NUDT14: variants seen among roughly 807,000 people sequenced by gnomAD.
NUDT14 encodes nudix hydrolase 14.
In NUDT14, 22 loss-of-function variants were observed where a neutral mutation model predicts 17.5. The ratio of observed to expected loss-of-function variants is 1.26; its 90% confidence interval spans 0.90 to 1.80. The LOEUF is 1.80. NUDT14 is among the 40% of genes most tolerant of loss of function. The pLI, the probability that NUDT14 is intolerant of heterozygous loss-of-function variation, is 0.00. For missense variants in NUDT14, 296 were observed against 295.6 expected (o/e 1.00, Z -0.01); for synonymous variants, 129 against 125.8 (o/e 1.03, Z -0.17).
intron 4 of NUDT14, among the ~76,000 whole-genome samples, chr14:105,174,687 C>T (rs587757334): frequency 2.6e-5 from 4 of 152,116 alleles, no homozygotes; most frequent in East Asian, 1.9e-4. Flanking sequence ...TTTCCAGCCC[C>T]GGTTTCCGCC....
chr14:105,177,156 T>C, intron 2 of NUDT14, 129 bp from the exon 3 acceptor site: 1 of 833,026 alleles, frequency 1.2e-6, no homozygotes, highest in Non-Finnish European at 2.0e-6. Context: ...GTCAGGCCCC[T>C]TGCTCAGATA....
chr14:105,181,066 G>A lies in NUDT14; in HGVS notation c.81+63C>T. 2.2e-6 allele frequency: 1 copy of A among 458,482 alleles called. No homozygotes were observed. The highest frequency in any genetic ancestry group is 2.9e-6 in the Non-Finnish European group (1 of 340,808). The allele number at this position is 458,482 out of a possible 1,614,324, so 28.4% of individuals were successfully genotyped here. On this transcript the variant is annotated intron_variant, in intron 1 of 4. Coordinates refer to ENST00000392568, the MANE Select transcript of NUDT14 (RefSeq NM_177533.5). The surrounding 1 kb of genome is among the most constrained non-coding windows in gnomAD (Gnocchi z 5.0). ...GCCGGCAGCGCGGAAGATGGTGGGC[G>A]GGGCGCGGGTCGTGGGCCGGGCCGC...
At chr14:105,177,865 G>A (rs1367722650) in intron 1 of NUDT14, 130 bp from the exon 2 acceptor site, 2 of 768,656 alleles carry the variant, frequency 2.6e-6, no homozygotes, top group Non-Finnish European at 4.3e-6. Context: ...GCCCACGGGA[G>A]CCAGGAACTG....
intron 4 of NUDT14, 23 bp downstream of exon 4, chr14:105,176,511 C>G: frequency 6.3e-7 from 1 of 1,580,110 alleles, no homozygotes; most frequent in African/African-American, 1.3e-5. Context: ...ACACCACAGG[C>G]CTGAGGGCCT....
At chr14:105,176,123 T>C in intron 4 of NUDT14, 1 of 622,118 alleles carries the variant, frequency 1.6e-6, no homozygotes, top group Non-Finnish European at 2.4e-6. Flanking sequence ...CTCTAGTGCC[T>C]GTTCCCCAGG....
intron 2 of NUDT14, 103 bp downstream of exon 2, chr14:105,177,589 A>C: frequency 1.9e-6 from 2 of 1,080,956 alleles, no homozygotes; most frequent in Non-Finnish European, 2.8e-6. Flanking sequence ...CACGCAGGGA[A>C]CAGCAACGTC....
In NUDT14 at chr14:105,176,730, G is replaced by A. The variant is rs778617226; in HGVS notation, c.232C>T (p.Leu78=). The change falls in exon 4 of 5, where the codon CTA becomes TTA. Residue 78 remains leucine, a synonymous_variant. Transcript: ENST00000392568. ...GEVERRFPGS[L]AAVDQDGPRE... ...GGCCCGTCCTGGTCTACAGCTGCTA[G>A]GGACCCTGGGAAGCGGCGCTCCACC... 8 of 1,612,538 alleles carry A rather than the reference G, an allele frequency of 5.0e-6. No individual in the cohort carries two copies. The East Asian group carries it at 1.3e-4, about 27-fold the overall frequency.
At chr14:105,174,398 G>C (rs1245922063) in intron 4 of NUDT14, among the ~76,000 whole-genome samples, 1 of 152,076 alleles carries the variant, frequency 6.6e-6, no homozygotes, top group African/African-American at 2.4e-5. Flanking sequence ...GCTCGCCGCA[G>C]GAGGGGCTGT....
chr14:105,176,522 G>C lies in NUDT14; in HGVS notation c.428+12C>G. The C allele has an allele frequency of 6.2e-7, 1 of 1,601,750 alleles. No individual in the cohort carries two copies. Among genetic ancestry groups the C allele is most frequent in the Non-Finnish European group, 8.5e-7 (1 of 1,169,964 alleles). On this transcript the variant is annotated intron_variant, in intron 4 of 4. Coordinates refer to ENST00000392568, the MANE Select transcript of NUDT14 (RefSeq NM_177533.5). ...AGTCACACCACAGGCCTGAGGGCCT[G>C]GTCCCACTCACCAGTATGTGGCGAC...
chr14:105,174,703 G>A (rs1889174993), intron 4 of NUDT14, among the ~76,000 whole-genome samples: 1 of 152,096 alleles, frequency 6.6e-6, no homozygotes, highest in African/African-American at 2.4e-5. Context: ...CCGCCGGCTT[G>A]TGAAGGAGAC....
In NUDT14 at chr14:105,181,133, C is replaced by T. The variant is rs1377746479; in HGVS notation, c.77G>A (p.Arg26His). ...GACGCGGGGGCGCGGGCTCACCTGGCGGTAATGCAGCGTGAGCGGCCGCAG... is the reference window on the plus strand; with the variant it reads ...GACGCGGGGGCGCGGGCTCACCTGGTGGTAATGCAGCGTGAGCGGCCGCAG... Reference protein sequence around the residue: ...PYLRPLTLHYRQNGAQKSWDF... With the variant: ...PYLRPLTLHYHQNGAQKSWDF... The change falls in exon 1 of 5, where the codon CGC becomes CAC. Residue 26 changes from arginine (R) to histidine (H), a missense_variant. Coordinates refer to ENST00000392568, the MANE Select transcript of NUDT14 (RefSeq NM_177533.5). The surrounding 1 kb of genome is among the most constrained non-coding windows in gnomAD (Gnocchi z 5.0). 8 of 1,100,344 alleles carry T rather than the reference C, an allele frequency of 7.3e-6. No individual in the cohort carries two copies. The highest frequency in any genetic ancestry group is 8.9e-6 in the Non-Finnish European group (8 of 899,822). The allele number at this position is 1,100,344 out of a possible 1,614,324, so 68.2% of individuals were successfully genotyped here. A position where few individuals can be genotyped will look rare whatever the true frequency, so the allele number is the denominator to read the frequency against.
chr14:105,176,511 C>A, intron 4 of NUDT14, 23 bp downstream of exon 4: 1 of 1,580,110 alleles, frequency 6.3e-7, no homozygotes, highest in Non-Finnish European at 8.7e-7. Context: ...ACACCACAGG[C>A]CTGAGGGCCT....
rs1889146262 is a variant in NUDT14 at position 105,173,398 on chromosome 14, T to C, written c.429-137A>G. 2 of 1,023,200 alleles carry C rather than the reference T, an allele frequency of 2.0e-6. No homozygotes were observed. Among genetic ancestry groups the C allele is most frequent in the Admixed American group, 7.7e-5 (2 of 25,918 alleles). The allele number at this position is 1,023,200 out of a possible 1,614,324, so 63.4% of individuals were successfully genotyped here. A position where few individuals can be genotyped will look rare whatever the true frequency, so the allele number is the denominator to read the frequency against. ...GTAGGCAGGACTCTGGGATGCCCTC[T>C]CCCACCCGGATTCCCACCTGGTGTG... On this transcript the variant is annotated intron_variant, in intron 4 of 4. Transcript: ENST00000392568. The surrounding 1 kb of genome is among the most constrained non-coding windows in gnomAD (Gnocchi z 4.7).
chr14:105,175,167 C>G (rs938353711), intron 4 of NUDT14, among the ~76,000 whole-genome samples: 3 of 152,198 alleles, frequency 2.0e-5, no homozygotes, highest in African/African-American at 4.8e-5. Flanking sequence ...GCCCTGAGAG[C>G]CTGTGCGGTC....
chr14:105,176,020 T>C, intron 4 of NUDT14: 1 of 1,250,064 alleles, frequency 8.0e-7, no homozygotes, highest in South Asian at 1.3e-5. Context: ...TACCAACATC[T>C]AGTCCTGGGA....
chr14:105,174,850 G>A (rs1026493440), intron 4 of NUDT14, among the ~76,000 whole-genome samples: 2 of 152,146 alleles, frequency 1.3e-5, no homozygotes, highest in African/African-American at 2.4e-5. Flanking sequence ...CCTTTGCAGC[G>A]GCAGGTAAGA....
In NUDT14 at chr14:105,177,716, C is replaced by T. The variant is rs1301090390; in HGVS notation, c.101G>A (p.Trp34Ter). The change falls in exon 2 of 5, where the codon TGG becomes TAG. Residue 34 changes from tryptophan to a stop codon, truncating the protein, a stop_gained. Coordinates refer to ENST00000392568, the MANE Select transcript of NUDT14 (RefSeq NM_177533.5). LOFTEE classifies it high-confidence loss of function. Reference sequence around the variant, plus strand: ...CCTGTCATGCGTCTTCATGAAGTCCCAGGACTTCTGGGCACCATTCTAGAA... The same window carrying T: ...CCTGTCATGCGTCTTCATGAAGTCCTAGGACTTCTGGGCACCATTCTAGAA... The part of the protein sequence containing the change: ...HYRQNGAQKS[W>*]DFMKTHDSVT... 6.2e-7 allele frequency: 1 copy of T among 1,612,484 alleles called. No homozygotes were observed. Among genetic ancestry groups the T allele is most frequent in the Non-Finnish European group, 8.5e-7 (1 of 1,179,770 alleles).
Position 105,173,301 on chromosome 14 carries a change from G to A in NUDT14, c.429-40C>T, listed in dbSNP as rs892855668. 1 of 1,459,410 alleles carries A rather than the reference G, an allele frequency of 6.9e-7. No homozygotes were observed. The highest frequency in any genetic ancestry group is 1.8e-4 in the Middle Eastern group (1 of 5,450). 90.4% of individuals were successfully genotyped at this position (1,459,410 alleles called of 1,614,324 possible). A position where few individuals can be genotyped will look rare whatever the true frequency, so the allele number is the denominator to read the frequency against. ...AGGGTCTGCTGAGTCACCCACGCTG[G>A]CCCCGCTGGCCCCCTGGCCCTTCTA... On this transcript the variant is annotated intron_variant, in intron 4 of 4. Transcript: ENST00000392568. The surrounding 1 kb of genome is among the most constrained non-coding windows in gnomAD (Gnocchi z 4.7).
chr14:105,174,368 C>T (rs796232875), intron 4 of NUDT14, among the ~76,000 whole-genome samples: 2 of 151,836 alleles, frequency 1.3e-5, no homozygotes, highest in Non-Finnish European at 2.9e-5. Context: ...GGAAGATGAC[C>T]AGGGGGTGGG....
Sources: allele counts gnomAD v4.1 joint callset (sites outside exome capture counted in the v4.1 genomes callset), GRCh38; gene constraint gnomAD v4.1.1; non-coding constraint Gnocchi (gnomAD v3.1); transcripts MANE v1.5; gene names NCBI Gene and HGNC (gene_info 2026-07-23, HGNC 2026-07-21).